Variants in UEVLD observed in about 807,000 individuals in gnomAD.
UEVLD encodes the protein UEV and lactate/malate dehyrogenase domains.
In UEVLD, 47 loss-of-function variants were observed where a neutral mutation model predicts 58.6. The ratio of observed to expected loss-of-function variants is 0.80; its 90% CI spans 0.63 to 1.02. UEVLD has a LOEUF of 1.02. Among genes scored for constraint, UEVLD ranks in the 50% least tolerant of loss-of-function variants. The pLI is 0.00. For synonymous variants in UEVLD, 197 were observed against 195.3 expected (o/e 1.01, Z -0.07); for missense variants, 510 against 550.6 (o/e 0.93, Z 0.74).
intron 7 of UEVLD, among the ~76,000 whole-genome samples, chr11:18,556,934 A>G (rs1263717554): frequency 6.6e-6 from 1 of 151,838 alleles, no homozygotes; most frequent in Non-Finnish European, 1.5e-5. Flanking sequence ...TCTACTAAAA[A>G]TACAAAAATT....
At position 18,570,393 on chromosome 11, in the gene UEVLD, G is replaced by A. The variant is rs757399098; in HGVS notation, c.194-16C>T. On this transcript the variant is annotated splice_polypyrimidine_tract_variant and intron_variant, in intron 3 of 11. Coordinates refer to ENST00000396197, the MANE Select transcript of UEVLD (RefSeq NM_001040697.4). Reference sequence around the variant, plus strand: ...TATGTATTACCTATTTGAGACAAAAGAAACATATCTTCAAACAATAATAAA... The same window carrying A: ...TATGTATTACCTATTTGAGACAAAAAAAACATATCTTCAAACAATAATAAA... 1 of 1,504,660 alleles carries A rather than the reference G, an allele frequency of 6.6e-7. No individual in the cohort carries two copies. Among genetic ancestry groups the A allele is most frequent in the South Asian group, 1.3e-5 (1 of 74,118 alleles). The allele number at this position is 1,504,660 out of a possible 1,614,324, so 93.2% of individuals were successfully genotyped here. A position where few individuals can be genotyped will look rare whatever the true frequency, so the allele number is the denominator to read the frequency against.
chr11:18,568,331 T>C lies in UEVLD; in HGVS notation c.358-1849A>G, dbSNP rs138671874. Reference sequence around the variant, plus strand: ...AACCAGAGAGAAGAAACAGGATACATGAATTCCTGCAACATGGTACAGATG... The same window carrying C: ...AACCAGAGAGAAGAAACAGGATACACGAATTCCTGCAACATGGTACAGATG... On this transcript the variant is annotated intron_variant, in intron 4 of 11. Coordinates refer to ENST00000396197, the MANE Select transcript of UEVLD (RefSeq NM_001040697.4). Among the ~76,000 whole-genome samples, 1,120 of 152,294 alleles carry C rather than the reference T, an allele frequency of 7.4e-3. 13 individuals carry two copies. The highest frequency in any genetic ancestry group is 0.026 in the African/African-American group (1,069 of 41,550).
chr11:18,543,999 G>C (rs1851175005), intron 9 of UEVLD, among the ~76,000 whole-genome samples: 1 of 152,202 alleles, frequency 6.6e-6, no homozygotes, highest in South Asian at 2.1e-4. Flanking sequence ...GTAAAGGAAA[G>C]AGTTCTATAT....
At chr11:18,567,882 C>T (rs1590355731) in intron 4 of UEVLD, among the ~76,000 whole-genome samples, 1 of 152,290 alleles carries the variant, frequency 6.6e-6, no homozygotes, top group South Asian at 2.1e-4. Context: ...CTGTGGCTCA[C>T]ACTTGTAATC....
chr11:18,585,660 C>CA (rs765787599), intron 1 of UEVLD, among the ~76,000 whole-genome samples: 1 of 150,102 alleles, frequency 6.7e-6, no homozygotes, highest in African/African-American at 2.5e-5. Context: ...TTTTTTGAGA[C>CA]AGAGTATTGC....
chr11:18,566,374 G>C lies in UEVLD; in HGVS notation c.466C>G (p.Leu156Val), dbSNP rs760186334. The C allele has an allele frequency of 6.2e-7, 1 of 1,614,058 alleles. No individual in the cohort carries two copies. The highest frequency in any genetic ancestry group is 8.5e-7 in the Non-Finnish European group (1 of 1,180,032). The change falls in exon 5 of 12, where the codon CTA (leucine) becomes GTA (valine). Residue 156 changes from leucine (L) to valine (V), a missense_variant. Transcript: ENST00000396197. ...TCAGTGATTTTTGCAATATAGGCTA[G>C]CAAGTCTACCTGCCGTGCCTCATCA... The part of the protein sequence containing the change: ...SSDEARQVDL[L>V]AYIAKITEGV...
intron 10 of UEVLD, 93 bp from the exon 11 acceptor site, chr11:18,534,546 G>C: frequency 7.6e-7 from 1 of 1,308,904 alleles, no homozygotes. Flanking sequence ...ATGTTTCTAT[G>C]ACAGAAACAA....
chr11:18,588,597 A>G lies in UEVLD; in HGVS notation c.42+16T>C. On this transcript the variant is annotated intron_variant, in intron 1 of 11. Coordinates refer to ENST00000396197, the MANE Select transcript of UEVLD (RefSeq NM_001040697.4). ...AGACCCTGAGGACCCAAACTGGCCCAGCGGACTGCCCGCACCTTGCCAAGC... is the reference window on the plus strand; with the variant it reads ...AGACCCTGAGGACCCAAACTGGCCCGGCGGACTGCCCGCACCTTGCCAAGC... 1.9e-6 allele frequency: 3 copies of G among 1,609,598 alleles called. No homozygotes were observed. Among genetic ancestry groups the G allele is most frequent in the Non-Finnish European group, 1.7e-6 (2 of 1,179,680 alleles).
At chr11:18,561,651 G>C (rs1852038257) in intron 6 of UEVLD, among the ~76,000 whole-genome samples, 1 of 152,068 alleles carries the variant, frequency 6.6e-6, no homozygotes, top group Non-Finnish European at 1.5e-5. Flanking sequence ...AGACCAGCCT[G>C]GCCAACATGG....
chr11:18,560,611 TAAC>T (rs1215335582), intron 6 of UEVLD, among the ~76,000 whole-genome samples: 4 of 152,190 alleles, frequency 2.6e-5, no homozygotes, highest in African/African-American at 9.6e-5. Flanking sequence ...CGTTCATCAG[TAAC>T]AACGAGACAA....
intron 8 of UEVLD, among the ~76,000 whole-genome samples, chr11:18,546,679 G>C (rs1035353674): frequency 1.1e-4 from 17 of 151,586 alleles, no homozygotes; most frequent in African/African-American, 4.1e-4. Flanking sequence ...TTGTATTTTT[G>C]GTAGAGACGG....
chr11:18,560,359 G>A (rs1851979037), intron 6 of UEVLD, among the ~76,000 whole-genome samples: 2 of 151,916 alleles, frequency 1.3e-5, no homozygotes, highest in South Asian at 2.1e-4. Context: ...TCATTTATAA[G>A]GCACAAAAAA....
chr11:18,542,586 T>C lies in UEVLD; in HGVS notation c.1060+2037A>G, dbSNP rs1753694905. ...GATTTTTACAGATTTAAAATACTGT[T>C]ATATTTTATTAAAATGCTTTTCTTA... On this transcript the variant is annotated intron_variant, in intron 9 of 11. Transcript: ENST00000396197. Among the ~76,000 whole-genome samples, 3 of 152,286 alleles carry C rather than the reference T, an allele frequency of 2.0e-5. No homozygotes were observed. In the South Asian group the frequency reaches 6.2e-4, roughly 32 times the overall value.
At chr11:18,575,465 T>C in intron 2 of UEVLD, 53 bp from the exon 3 acceptor site, 1 of 1,547,688 alleles carries the variant, frequency 6.5e-7, no homozygotes, top group African/African-American at 1.4e-5. Flanking sequence ...CAGAAAGAAC[T>C]GTAGTAAAGT....
chr11:18,568,777 C>A (rs1464604270), intron 4 of UEVLD, among the ~76,000 whole-genome samples: 1 of 152,046 alleles, frequency 6.6e-6, no homozygotes, highest in Non-Finnish European at 1.5e-5. Flanking sequence ...CAATTATACA[C>A]CTTTTTATAA....
intron 9 of UEVLD, among the ~76,000 whole-genome samples, chr11:18,538,422 G>A (rs995620744): frequency 6.6e-6 from 1 of 151,714 alleles, no homozygotes; most frequent in African/African-American, 2.4e-5. Context: ...GATTACAGGT[G>A]TGCGCCTCAG....
chr11:18,570,553 C>T, intron 3 of UEVLD, 176 bp from the exon 4 acceptor site: 1 of 450,266 alleles, frequency 2.2e-6, no homozygotes, highest in African/African-American at 2.1e-5. Context: ...TCAGACCAGC[C>T]TAGGCAACAT....
chr11:18,585,730 T>G (rs1590382911), intron 1 of UEVLD, among the ~76,000 whole-genome samples: 1 of 151,940 alleles, frequency 6.6e-6, no homozygotes, highest in East Asian at 1.9e-4. Context: ...CTCTGTCTCC[T>G]GGGTTCAAGC....
At chr11:18,549,563 T>C (rs1036120953) in intron 7 of UEVLD, among the ~76,000 whole-genome samples, 14 of 151,916 alleles carry the variant, frequency 9.2e-5, no homozygotes, top group East Asian at 5.8e-4. Context: ...GGATTACAGG[T>C]GCCCGCCACT....
Sources: gnomAD v4.1 joint callset for allele counts (sites outside exome capture counted in the v4.1 genomes callset) on GRCh38, gnomAD v4.1.1 for gene constraint, MANE v1.5 for transcripts, NCBI Gene and HGNC (gene_info 2026-07-23, HGNC 2026-07-21) for gene names.